Variants in CA4 observed in about 807,000 individuals in gnomAD.
CA4 encodes CA-IV.
CA4 carries 24 observed loss-of-function variants against 34.5 expected under a neutral mutation model. The observed-to-expected ratio is 0.70, with a 90% CI of 0.50 to 0.98. CA4 has a LOEUF of 0.98. Ranked by LOEUF, CA4 falls within the 50% of genes least tolerant of loss-of-function variation. CA4 has a pLI of 0.00. For synonymous variants in CA4, 178 were observed against 170.6 expected, an observed-to-expected ratio of 1.04 and a Z score of -0.34; for missense variants, 394 against 396.7, an observed-to-expected ratio of 0.99 and a Z score of 0.06.
chr17:60,150,823 C>G (rs193205), intron 1 of CA4, among the ~76,000 whole-genome samples: 133,233 of 151,836 alleles, frequency 0.88, 58,728 homozygotes, highest in African/African-American at 0.97. Context: ...CAAGGGCGGT[C>G]TGGCAGGGTC....
Position 60,156,597 on chromosome 17 carries a change from C to G in CA4, c.150C>G (p.Arg50=), listed in dbSNP as rs560233316. ...VKWGGNCQKD[R]QSPINIVTTK... is the part of the protein sequence containing the mutation. ...GGGGTGGAAACTGCCAGAAGGACCG[C>G]CAGTCCCCCATCAACATCGTCACCA... The change falls in exon 3 of 8, where the codon CGC becomes CGG. Residue 50 remains arginine (R), a synonymous_variant. Coordinates refer to ENST00000300900, the MANE Select transcript of CA4 (RefSeq NM_000717.5). 14 of 1,614,140 alleles carry G rather than the reference C, an allele frequency of 8.7e-6. No homozygotes were observed. The African/African-American group carries it at 1.2e-4, about 14-fold the overall frequency.
At chr17:60,164,458 C>A (rs368216031), downstream of CA4, among the ~76,000 whole-genome samples, 1 of 151,708 alleles carries the variant, frequency 6.6e-6, no homozygotes, top group Non-Finnish European at 1.5e-5. Flanking sequence ...GGCACGTTTT[C>A]GGCTCACTGC....
chr17:60,162,693 G>A (rs905773565), downstream of CA4, among the ~76,000 whole-genome samples: 8 of 152,132 alleles, frequency 5.3e-5, no homozygotes, highest in Admixed American at 3.9e-4. Context: ...CCGGCACTCA[G>A]CACAGCATAA....
chr17:60,172,311 C>T (rs1283096704), downstream of CA4, among the ~76,000 whole-genome samples: 1 of 152,172 alleles, frequency 6.6e-6, no homozygotes, highest in African/African-American at 2.4e-5. Context: ...GGCATGCCTC[C>T]TCCCTGTCCA....
In CA4 at chr17:60,155,670, ACACT is replaced by A. The variant is rs57279904; in HGVS notation, c.112+311_112+314del. On this transcript the variant is annotated intron_variant, in intron 2 of 7. Coordinates refer to ENST00000300900, the MANE Select transcript of CA4 (RefSeq NM_000717.5). ...CACACACTCACACTCACACAAACCC[ACACT>A]CACTCACACACACAAACACACACTC... Among the ~76,000 whole-genome samples, 521 of 151,564 alleles carry A rather than the reference ACACT, an allele frequency of 3.4e-3. 10 individuals are homozygous for A. In the East Asian group the frequency reaches 0.055, roughly 16 times the overall value.
the CA4 span, among the ~76,000 whole-genome samples, chr17:60,178,935 C>G: frequency 2.6e-5 from 4 of 152,242 alleles, no homozygotes; most frequent in African/African-American, 9.6e-5. Flanking sequence ...TCTATACTCA[C>G]TACATATTTG....
the CA4 span, among the ~76,000 whole-genome samples, chr17:60,176,275 G>A: frequency 5.3e-5 from 8 of 152,118 alleles, no homozygotes; most frequent in African/African-American, 7.2e-5. Flanking sequence ...TCGTTGGATT[G>A]AGCACTTACC....
At chr17:60,159,679 C>A, downstream of CA4, 2 of 592,452 alleles carry the variant, frequency 3.4e-6, no homozygotes, top group Non-Finnish European at 6.0e-6. Flanking sequence ...CACCAGGTGT[C>A]CCCACTCCCG....
At chr17:60,172,798 A>C (rs1451350276), downstream of CA4, among the ~76,000 whole-genome samples, 11 of 151,954 alleles carry the variant, frequency 7.2e-5, no homozygotes, top group African/African-American at 2.4e-4. Context: ...GAGCCGAGAT[A>C]GTGCCACTTC....
In CA4 at chr17:60,159,470, G is replaced by A; in HGVS notation, c.*46G>A. On this transcript the variant is annotated 3_prime_UTR_variant, in exon 8 of 8. Transcript: ENST00000300900. Reference sequence around the variant, plus strand: ...CCTCTCTGTTGCCTCAGCTCTCCAAGTTCCAGGCTTCCGGTCCTTAGCCTT... The same window carrying A: ...CCTCTCTGTTGCCTCAGCTCTCCAAATTCCAGGCTTCCGGTCCTTAGCCTT... 1 of 1,592,094 alleles carries A rather than the reference G, an allele frequency of 6.3e-7. No homozygotes were observed. Among genetic ancestry groups the A allele is most frequent in the Admixed American group, 1.7e-5 (1 of 59,130 alleles).
At chr17:60,157,343 T>C (rs1306546231) in intron 3 of CA4, 84 bp from the exon 4 acceptor site, 2 of 1,519,828 alleles carry the variant, frequency 1.3e-6, no homozygotes, top group African/African-American at 1.4e-5. Flanking sequence ...GGAGACAATG[T>C]CCCATCTGGG....
At chr17:60,175,189 A>ATTTTTTTT (rs555031745), downstream of CA4, among the ~76,000 whole-genome samples, 9,037 of 107,168 alleles carry the variant, frequency 0.084, 1,359 homozygotes, top group African/African-American at 0.27. Context: ...CACCCAGCTG[A>ATTTTTTTT]TTTTTTTTTT....
intron 5 of CA4, among the ~76,000 whole-genome samples, chr17:60,165,715 C>T (rs2083848664): frequency 6.6e-6 from 1 of 152,122 alleles, no homozygotes; most frequent in Non-Finnish European, 1.5e-5. Context: ...TCCCCCAGCA[C>T]AGGATGAGTG....
chr17:60,166,737 C>T (rs1182295948), intron 5 of CA4, among the ~76,000 whole-genome samples: 2 of 151,804 alleles, frequency 1.3e-5, no homozygotes, highest in Non-Finnish European at 2.9e-5. Context: ...GGGGGCGGAT[C>T]ACCTGAGGTC....
At chr17:60,158,768 A>G in intron 7 of CA4, 1 of 452,850 alleles carries the variant, frequency 2.2e-6, no homozygotes, top group Admixed American at 3.5e-5. Flanking sequence ...TTTCATTCCA[A>G]AACAGTGGTT....
intron 2 of CA4, among the ~76,000 whole-genome samples, chr17:60,155,573 ACACT>A (rs1482077638): frequency 5.9e-5 from 9 of 151,408 alleles, no homozygotes; most frequent in Non-Finnish European, 8.8e-5. Flanking sequence ...ACAAACACAC[ACACT>A]CACACAGAAA....
intron 1 of CA4, 111 bp from the exon 2 acceptor site, chr17:60,155,203 C>T: frequency 1.0e-6 from 1 of 959,706 alleles, no homozygotes; most frequent in Non-Finnish European, 1.6e-6. Flanking sequence ...CACTCCATCC[C>T]AGCCCAAGAG....
chr17:60,159,020 G>A, intron 7 of CA4: 1 of 612,936 alleles, frequency 1.6e-6, no homozygotes, highest in Non-Finnish European at 3.0e-6. Flanking sequence ...GTGAAAGGAA[G>A]CCAATGGGCA....
At chr17:60,155,466 G>T in intron 2 of CA4, 99 bp downstream of exon 2, 1 of 879,988 alleles carries the variant, frequency 1.1e-6, no homozygotes. Flanking sequence ...AGGGGTGATG[G>T]TGGCTTCCCA....
Sources: allele counts gnomAD v4.1 joint callset (sites outside exome capture counted in the v4.1 genomes callset), GRCh38; gene constraint gnomAD v4.1.1; transcripts MANE v1.5; gene names NCBI Gene and HGNC (gene_info 2026-07-23, HGNC 2026-07-21).